The following RBFOX1 variants were observed in gnomAD, a reference collection of about 807,000 sequenced individuals.
RBFOX1 encodes the protein RNA binding protein fox-1 homolog 1.
A neutral mutation model predicts 57.7 loss-of-function variants in RBFOX1; 8 were observed. The observed-to-expected ratio is 0.14, with a 90% CI of 0.08 to 0.25. The LOEUF (loss-of-function observed/expected upper bound fraction) is 0.25. RBFOX1 is among the 10% of genes least tolerant of loss of function. The probability of loss-of-function intolerance (pLI) is 1.00; values close to 1 mark genes in which losing one functional copy is unlikely to be tolerated. For missense variants in RBFOX1, 611 were observed against 548.5 expected (o/e 1.11, Z -1.14); for synonymous variants, 326 against 222.4 (o/e 1.47, Z -4.15).
rs559368213 is a variant in RBFOX1, at chr16:7,082,263, T to C, written c.27+30165T>C. 1.5e-4 allele frequency among the ~76,000 whole-genome samples: 23 copies of C among 152,246 alleles called. 1 individual carries two copies. The Middle Eastern group carries it at 0.01, about 68-fold the overall frequency. ...CAGTTGTACAGAATACATTGTCAAG[T>C]GATGTCCTGTAAACACATATTAAAT... On this transcript the variant is annotated intron_variant, in intron 4 of 15. Coordinates refer to ENST00000550418, the MANE Select transcript of RBFOX1 (RefSeq NM_018723.4).
chr16:6,041,122 T>TC (rs1439367388), intron 1 of RBFOX1, among the ~76,000 whole-genome samples: 1 of 152,168 alleles, frequency 6.6e-6, no homozygotes, highest in Non-Finnish European at 1.5e-5. Context: ...CTCCCTGCTC[T>TC]CCCCCTGCAG....
At chr16:6,962,938 T>C (rs1036819836) in intron 3 of RBFOX1, among the ~76,000 whole-genome samples, 38 of 152,026 alleles carry the variant, frequency 2.5e-4, no homozygotes, top group Non-Finnish European at 4.4e-5. Context: ...GGTGGGGTTG[T>C]TGGATCTTGC....
intron 2 of RBFOX1, among the ~76,000 whole-genome samples, chr16:5,478,287 G>A (rs775195511): frequency 7.2e-5 from 11 of 151,886 alleles, no homozygotes; most frequent in African/African-American, 1.2e-4. Flanking sequence ...GCTGCCAGAC[G>A]GTTAGAGTGG....
chr16:7,010,857 A>G (rs1049989882), intron 3 of RBFOX1, among the ~76,000 whole-genome samples: 6 of 152,198 alleles, frequency 3.9e-5, no homozygotes, highest in African/African-American at 7.2e-5. Flanking sequence ...GATTATAGGC[A>G]TGAGCCACTG....
intron 1 of RBFOX1, among the ~76,000 whole-genome samples, chr16:6,192,336 G>T (rs1469122922): frequency 6.6e-6 from 1 of 152,152 alleles, no homozygotes; most frequent in Non-Finnish European, 1.5e-5. Flanking sequence ...GGTAGAGATG[G>T]GCTTGGCATT....
At chr16:7,622,826 A>G (rs1219694886) in intron 10 of RBFOX1, among the ~76,000 whole-genome samples, 3 of 152,224 alleles carry the variant, frequency 2.0e-5, no homozygotes, top group Admixed American at 1.3e-4. Context: ...AAATATCCCT[A>G]TACTTAAAAC....
chr16:5,901,881 C>A (rs910785970), intron 4 of RBFOX1, among the ~76,000 whole-genome samples: 2 of 152,118 alleles, frequency 1.3e-5, no homozygotes, highest in East Asian at 1.9e-4. Context: ...CTGCCTATGC[C>A]CAAGCATTCT....
At chr16:7,170,481 G>A (rs1601750308) in intron 4 of RBFOX1, among the ~76,000 whole-genome samples, 1 of 151,950 alleles carries the variant, frequency 6.6e-6, no homozygotes, top group African/African-American at 2.4e-5. Context: ...TTGGCGTGTT[G>A]CCCATATTGG....
At chr16:7,161,605 G>C (rs1012463943) in intron 4 of RBFOX1, among the ~76,000 whole-genome samples, 5 of 152,162 alleles carry the variant, frequency 3.3e-5, no homozygotes, top group African/African-American at 1.2e-4. Context: ...TTTAATGTTT[G>C]AATCTCGGCT....
intron 3 of RBFOX1, among the ~76,000 whole-genome samples, chr16:6,836,673 G>T (rs1460962832): frequency 6.6e-6 from 1 of 152,056 alleles, no homozygotes; most frequent in Non-Finnish European, 1.5e-5. Context: ...CCTTTCTTAT[G>T]CCCCTAATTT....
intron 1 of RBFOX1, among the ~76,000 whole-genome samples, chr16:5,274,604 T>C (rs1487919081): frequency 6.6e-6 from 1 of 152,120 alleles, no homozygotes; most frequent in African/African-American, 2.4e-5. Context: ...CTTTCATACG[T>C]CTCCTCCCTG....
intron 1 of RBFOX1, among the ~76,000 whole-genome samples, chr16:5,352,389 A>G (rs759184290): frequency 6.6e-6 from 1 of 152,130 alleles, no homozygotes; most frequent in African/African-American, 2.4e-5. Flanking sequence ...AATAATTTCA[A>G]ACCTGCAGAA....
At chr16:6,879,568 A>C (rs527777687) in intron 3 of RBFOX1, among the ~76,000 whole-genome samples, 3 of 152,374 alleles carry the variant, frequency 2.0e-5, no homozygotes, top group African/African-American at 7.2e-5. Flanking sequence ...ATTCAACATA[A>C]GTTTCCATTA....
chr16:7,197,235 A>G (rs566696582), intron 4 of RBFOX1, among the ~76,000 whole-genome samples: 1 of 152,064 alleles, frequency 6.6e-6, no homozygotes, highest in Non-Finnish European at 1.5e-5. Context: ...GTCTTTAGGG[A>G]TGAAGAAAAT....
chr16:6,682,952 G>A (rs1470910819), intron 3 of RBFOX1, among the ~76,000 whole-genome samples: 1 of 151,578 alleles, frequency 6.6e-6, no homozygotes, highest in Non-Finnish European at 1.5e-5. Flanking sequence ...AGTCACATCA[G>A]GCCTCATAGG....
intron 3 of RBFOX1, among the ~76,000 whole-genome samples, chr16:6,680,589 G>C (rs1170152256): frequency 6.6e-6 from 1 of 152,030 alleles, no homozygotes; most frequent in Non-Finnish European, 1.5e-5. Flanking sequence ...AGACCTCCTA[G>C]CAGATGATTT....
rs62015740 is a variant in RBFOX1, at chr16:7,428,957, G to A, written c.28-89190G>A. 2.5e-3 allele frequency among the ~76,000 whole-genome samples: 378 copies of A among 152,086 alleles called. 2 individuals carry two copies. Among genetic ancestry groups the A allele is most frequent in the African/African-American group, 8.7e-3 (360 of 41,486 alleles). ...AGTACAACACAGTACAATGCCTGGC[G>A]CTCTGCAAAGAAAAAAAGTGTATCA... is the stretch of plus-strand genomic sequence containing the variant. On this transcript the variant is annotated intron_variant, in intron 4 of 15. Transcript: ENST00000550418.
chr16:7,557,175 G>A (rs770889610), intron 5 of RBFOX1, among the ~76,000 whole-genome samples: 6 of 152,218 alleles, frequency 3.9e-5, no homozygotes, highest in Middle Eastern at 3.4e-3. Flanking sequence ...CTACTGTCAC[G>A]TGCTACTCAT....
chr16:5,689,364 G>T (rs2050599359), intron 3 of RBFOX1, among the ~76,000 whole-genome samples: 2 of 152,208 alleles, frequency 1.3e-5, no homozygotes, highest in South Asian at 4.1e-4. Flanking sequence ...ATAGTACAGT[G>T]CCTGGGTTAC....
Sources: allele counts gnomAD v4.1 joint callset (sites outside exome capture counted in the v4.1 genomes callset), GRCh38; gene constraint gnomAD v4.1.1; transcripts MANE v1.5; gene names NCBI Gene and HGNC (gene_info 2026-07-23, HGNC 2026-07-21).